Variants in DMBT1 observed in about 807,000 individuals in gnomAD.
DMBT1 encodes the protein deleted in malignant brain tumors 1.
In DMBT1, 198 loss-of-function variants were observed where a neutral mutation model predicts 252.9. The ratio of observed to expected loss-of-function variants is 0.78; its 90% confidence interval spans 0.70 to 0.88. The LOEUF is 0.88. Ranked by LOEUF, DMBT1 falls within the 40% of genes least tolerant of loss-of-function variation. The pLI is 0.00. For missense variants in DMBT1, 2,432 were observed against 2,404.7 expected (o/e 1.01, Z -0.24); for synonymous variants, 990 against 942.7 (o/e 1.05, Z -0.92).
chr10:122,576,323 C>T (rs1454944530), intron 6 of DMBT1, 76 bp from the exon 7 acceptor site: 13 of 1,563,774 alleles, frequency 8.3e-6, no homozygotes, highest in African/African-American at 2.7e-5. Flanking sequence ...ATGGGGAAGA[C>T]CCTGAATGCC....
At position 122,640,947 on chromosome 10, in the gene DMBT1, A is replaced by T. The variant is rs138221931; in HGVS notation, c.7352+498A>T. On this transcript the variant is annotated intron_variant, in intron 55 of 55. Transcript: ENST00000338354. ...CCAGTTGCTCGCCTGTCAAGTGGGG[A>T]TAATGACACGCACATTGTAAGGCTG... Among the ~76,000 whole-genome samples, 743 of 152,294 alleles carry T rather than the reference A, an allele frequency of 4.9e-3. 7 individuals are homozygous for T. Among genetic ancestry groups the T allele is most frequent in the African/African-American group, 0.017 (711 of 41,554 alleles).
At chr10:122,578,025 C>T (rs1006384163) in intron 8 of DMBT1, among the ~76,000 whole-genome samples, 185 bp downstream of exon 8, 1 of 152,232 alleles carries the variant, frequency 6.6e-6, no homozygotes, top group Non-Finnish European at 1.5e-5. Context: ...CTTCTGCCTT[C>T]TCTTCAGTCC....
At chr10:122,574,389 G>T (rs1242988058) in intron 6 of DMBT1, among the ~76,000 whole-genome samples, 1 of 152,200 alleles carries the variant, frequency 6.6e-6, no homozygotes, top group Non-Finnish European at 1.5e-5. Flanking sequence ...TTGGCCCTAG[G>T]AGAAGCTCAA....
intron 53 of DMBT1, among the ~76,000 whole-genome samples, chr10:122,636,454 A>T (rs1220891402): frequency 1.3e-5 from 2 of 151,358 alleles, no homozygotes; most frequent in African/African-American, 4.9e-5. Flanking sequence ...AGAGGGTCCC[A>T]GATGATGCTC....
rs757020107 is a variant in DMBT1, at chr10:122,579,822, C to T, written c.924C>T (p.Ser308=). 1.1e-5 allele frequency: 18 copies of T among 1,613,526 alleles called. No individual in the cohort carries two copies. The highest frequency in any genetic ancestry group is 5.5e-5 in the South Asian group (5 of 91,058). ...ATGTGCGCTGCTCAGGACATGAGTC[C>T]TACCTGTGGAGCTGCCCCCACAATG... ...LDDVRCSGHE[S]YLWSCPHNGW... is the part of the protein sequence containing the mutation. Residue 308 remains serine (S), a synonymous_variant, in exon 10 of 56, where the codon TCC becomes TCT. Coordinates refer to ENST00000338354, the MANE Select transcript of DMBT1 (RefSeq NM_001377530.1).
At position 122,598,028 on chromosome 10, in the gene DMBT1, G is replaced by A. The variant is rs778698129; in HGVS notation, c.2956+16G>A. The A allele has an allele frequency of 1.2e-5, 19 of 1,613,722 alleles. No individual in the cohort carries two copies. The highest frequency in any genetic ancestry group is 2.2e-5 in the East Asian group (1 of 44,864). On this transcript the variant is annotated intron_variant, in intron 25 of 55. Coordinates refer to ENST00000338354, the MANE Select transcript of DMBT1 (RefSeq NM_001377530.1). ...TCGACAGTAGGTAAATATTCCTCTC[G>A]CCCCTCCCTAGGGCTCACTCTCTAC... is the stretch of plus-strand genomic sequence containing the variant.
intron 20 of DMBT1, among the ~76,000 whole-genome samples, chr10:122,593,326 T>C (rs2097866527): frequency 1.4e-5 from 2 of 148,054 alleles, no homozygotes; most frequent in Admixed American, 6.7e-5. Context: ...TTGGTTTAGG[T>C]CAACCGGGTT....
Position 122,632,875 on chromosome 10 carries a change from A to T in DMBT1, c.6382A>T (p.Ile2128Phe), listed in dbSNP as rs1015170025. 10 of 1,613,872 alleles carry T rather than the reference A, an allele frequency of 6.2e-6. No homozygotes were observed. Among genetic ancestry groups the T allele is most frequent in the Non-Finnish European group, 8.5e-6 (10 of 1,179,876 alleles). Reference sequence around the variant, plus strand: ...TTTGTCAACAGCTCCTTTTCTCAACATCACCCGTCCAAACAGTAAGTTCTG... The same window carrying T: ...TTTGTCAACAGCTCCTTTTCTCAACTTCACCCGTCCAAACAGTAAGTTCTG... The part of the protein sequence containing the change: ...HLSTPAPFLN[I>F]TRPNTDYSCG... Residue 2128 changes from isoleucine to phenylalanine, a missense_variant, in exon 51 of 56, where the codon ATC becomes TTC. Around this residue, in one of 3 missense-constraint regions of DMBT1, gnomAD observed 1,162 missense variants for 1,169.0 expected, o/e 0.99. Transcript: ENST00000338354.
intron 53 of DMBT1, 22 bp from the exon 54 acceptor site, chr10:122,637,106 C>A (rs771689872): frequency 1.2e-6 from 2 of 1,609,388 alleles, no homozygotes; most frequent in African/African-American, 2.7e-5. Context: ...GACTGAGTGC[C>A]TTATCTGTCC....
intron 19 of DMBT1, among the ~76,000 whole-genome samples, chr10:122,591,863 G>A (rs2097851839): frequency 6.7e-6 from 1 of 149,256 alleles, no homozygotes; most frequent in Middle Eastern, 3.2e-3. Context: ...TTCTGTCCCT[G>A]CAGTTGTCTG....
intron 40 of DMBT1, among the ~76,000 whole-genome samples, 179 bp downstream of exon 40, chr10:122,617,439 T>G (rs971168359): frequency 5.3e-5 from 8 of 150,990 alleles, no homozygotes; most frequent in Non-Finnish European, 1.0e-4. Context: ...GGATGGAGGG[T>G]GCTGGTGACT....
chr10:122,598,989 G>A lies in DMBT1; in HGVS notation c.3172G>A (p.Asp1058Asn), dbSNP rs576855274. ...TCAGGGCTCAGGACCCATTGTCCTG[G>A]ATGATGTGCGCTGCTCAGGACACGA... ...FGQGSGPIVL[D>N]DVRCSGHESY... Residue 1058 changes from aspartate to asparagine, a missense_variant, in exon 26 of 56, where the codon GAT becomes AAT. Transcript: ENST00000338354. 1.9e-6 allele frequency: 3 copies of A among 1,613,796 alleles called. No homozygotes were observed. The African/African-American group carries it at 4.0e-5, about 22-fold the overall frequency.
chr10:122,590,696 T>A lies in DMBT1; in HGVS notation c.2137+2T>A. ...AGTCCCGGTCGACGCCCAGGCCAGG[T>A]GAGTCCCCAGTGTCCTTCCTTGGGA... On this transcript the variant is annotated splice_donor_variant, in intron 18 of 55. Transcript: ENST00000338354. LOFTEE classifies it high-confidence loss of function. 3 of 1,587,606 alleles carry A rather than the reference T, an allele frequency of 1.9e-6. No homozygotes were observed. Among genetic ancestry groups the A allele is most frequent in the Non-Finnish European group, 2.6e-6 (3 of 1,165,128 alleles).
intron 2 of DMBT1, 146 bp downstream of exon 2, chr10:122,566,142 G>A: frequency 3.6e-6 from 3 of 832,112 alleles, no homozygotes; most frequent in East Asian, 2.7e-5. Flanking sequence ...GACAGGAGAC[G>A]TGCGTGCCAA....
intron 40 of DMBT1, among the ~76,000 whole-genome samples, chr10:122,617,651 A>C (rs2098007807): frequency 1.3e-5 from 2 of 151,674 alleles, no homozygotes; most frequent in South Asian, 4.2e-4. Context: ...AATTTGCCAG[A>C]AACCAGAGAG....
rs1156902858 is a variant in DMBT1 at position 122,593,311 on chromosome 10, G to C, written c.2501-258G>C. On this transcript the variant is annotated intron_variant, in intron 20 of 55. Transcript: ENST00000338354. ...AGGAACACCTAAGATGTGCAAGGGAGTGGGTTGGTTTAGGTCAACCGGGTT... is the reference window on the plus strand; with the variant it reads ...AGGAACACCTAAGATGTGCAAGGGACTGGGTTGGTTTAGGTCAACCGGGTT... 2.0e-5 allele frequency among the ~76,000 whole-genome samples: 3 copies of C among 148,424 alleles called. 1 individual carries two copies. The highest frequency in any genetic ancestry group is 4.5e-5 in the Non-Finnish European group (3 of 66,612).
intron 16 of DMBT1, among the ~76,000 whole-genome samples, chr10:122,586,584 G>A (rs753100120): frequency 6.7e-6 from 1 of 148,502 alleles, no homozygotes; most frequent in African/African-American, 2.4e-5. Flanking sequence ...ATGGGCCAAA[G>A]TGAAATAAGG....
chr10:122,597,280 A>G (rs927190619), intron 24 of DMBT1, among the ~76,000 whole-genome samples: 1 of 152,112 alleles, frequency 6.6e-6, no homozygotes, highest in African/African-American at 2.4e-5. Context: ...AAGCAGTTTC[A>G]TACTGTCCCA....
chr10:122,625,254 A>T lies in DMBT1; in HGVS notation c.5609-23A>T, dbSNP rs747844793. ...TCATCCTGGGCACTGGGACTGACTC[A>T]TGTTTTCTTCTTTTCCTTGCAGCCA... On this transcript the variant is annotated intron_variant, in intron 44 of 55. Transcript: ENST00000338354. The T allele has an allele frequency of 1.1e-5, 17 of 1,608,994 alleles. No homozygotes were observed. The South Asian group carries it at 1.8e-4, about 17-fold the overall frequency.
Sources: gnomAD v4.1 joint callset for allele counts (sites outside exome capture counted in the v4.1 genomes callset) on GRCh38, gnomAD v4.1.1 for gene constraint, gnomAD v4.1.1 regional missense constraint, MANE v1.5 for transcripts, NCBI Gene and HGNC (gene_info 2026-07-23, HGNC 2026-07-21) for gene names.